ST8SIA2: variants seen among roughly 807,000 people sequenced by gnomAD.
The protein encoded by ST8SIA2 is ST8 alpha-N-acetyl-neuraminide alpha-2,8-sialyltransferase 2.
In ST8SIA2, 22 loss-of-function variants were observed where a neutral mutation model predicts 37.6. That is an observed-to-expected ratio of 0.58 (90% CI 0.42 to 0.83). The LOEUF is 0.83. Among genes scored for constraint, ST8SIA2 ranks in the 40% least tolerant of loss-of-function variants. The probability of loss-of-function intolerance (pLI) is 0.00; values close to 1 mark genes in which losing one functional copy is unlikely to be tolerated. For missense variants in ST8SIA2, 382 were observed against 484.7 expected, an observed-to-expected ratio of 0.79 and a Z score of 1.99; for synonymous variants, 205 against 201.2, an observed-to-expected ratio of 1.02 and a Z score of -0.16.
At chr15:92,419,897 C>G (rs894305658) in intron 1 of ST8SIA2, among the ~76,000 whole-genome samples, 2 of 152,156 alleles carry the variant, frequency 1.3e-5, no homozygotes, top group Non-Finnish European at 1.5e-5. Context: ...GATAGAGTCT[C>G]GCTCTGTCGC....
chr15:92,421,493 C>T (rs1260831348), intron 1 of ST8SIA2, among the ~76,000 whole-genome samples: 1 of 152,198 alleles, frequency 6.6e-6, no homozygotes, highest in Non-Finnish European at 1.5e-5. Context: ...AAATCAAACA[C>T]TGTTCTTACT....
intron 4 of ST8SIA2, among the ~76,000 whole-genome samples, chr15:92,443,555 C>T (rs1398631039): frequency 2.6e-5 from 4 of 152,152 alleles, no homozygotes; most frequent in Non-Finnish European, 5.9e-5. Context: ...TAAACCGTCC[C>T]TGTCACTCTC....
chr15:92,439,696 G>A (rs1334366480), intron 4 of ST8SIA2, among the ~76,000 whole-genome samples: 1 of 152,142 alleles, frequency 6.6e-6, no homozygotes, highest in African/African-American at 2.4e-5. Context: ...CCAGAGTTTT[G>A]TCATCCTCTG....
chr15:92,429,834 G>A (rs540942343), intron 1 of ST8SIA2, among the ~76,000 whole-genome samples: 1 of 152,218 alleles, frequency 6.6e-6, no homozygotes, highest in Non-Finnish European at 1.5e-5. Flanking sequence ...TATTCAAGTG[G>A]GGAGAGGGGC....
At chr15:92,446,815 T>A (rs951864339) in intron 5 of ST8SIA2, among the ~76,000 whole-genome samples, 1 of 152,060 alleles carries the variant, frequency 6.6e-6, no homozygotes, top group Non-Finnish European at 1.5e-5. Context: ...TGCAAAGGCC[T>A]TGAGGTAGGA....
intron 1 of ST8SIA2, among the ~76,000 whole-genome samples, chr15:92,398,281 A>G (rs2049446389): frequency 6.6e-6 from 1 of 152,278 alleles, no homozygotes; most frequent in Non-Finnish European, 1.5e-5. Context: ...CTAATCTGAG[A>G]TCACAGCCTG....
intron 1 of ST8SIA2, among the ~76,000 whole-genome samples, chr15:92,413,876 C>T (rs575410017): frequency 2.2e-4 from 33 of 152,260 alleles, no homozygotes; most frequent in African/African-American, 7.5e-4. Context: ...AGGCAGCCCC[C>T]GGTGTGATGC....
intron 1 of ST8SIA2, among the ~76,000 whole-genome samples, chr15:92,410,805 A>T (rs1034256273): frequency 6.6e-6 from 1 of 152,124 alleles, no homozygotes; most frequent in Admixed American, 6.5e-5. Flanking sequence ...AGCTCCAAAG[A>T]GGGGGTTCCC....
chr15:92,458,814 G>A (rs1294033060), intron 5 of ST8SIA2, among the ~76,000 whole-genome samples: 1 of 152,214 alleles, frequency 6.6e-6, no homozygotes, highest in Non-Finnish European at 1.5e-5. Flanking sequence ...CCATGAAACA[G>A]CATAGTAATG....
chr15:92,395,097 G>A (rs1434259214), intron 1 of ST8SIA2, among the ~76,000 whole-genome samples: 2 of 152,170 alleles, frequency 1.3e-5, no homozygotes, highest in Non-Finnish European at 2.9e-5. Flanking sequence ...GGCTCGCCGG[G>A]CCGGGCCCCT....
At chr15:92,420,177 T>C (rs2049622605) in intron 1 of ST8SIA2, among the ~76,000 whole-genome samples, 1 of 152,188 alleles carries the variant, frequency 6.6e-6, no homozygotes, top group Non-Finnish European at 1.5e-5. Flanking sequence ...AAGTCTGTAT[T>C]TTAAAGGCTG....
intron 5 of ST8SIA2, among the ~76,000 whole-genome samples, chr15:92,446,051 TG>T (rs1437148990): frequency 6.6e-6 from 1 of 152,192 alleles, no homozygotes; most frequent in Non-Finnish European, 1.5e-5. Context: ...CATAACTTAG[TG>T]GCTTAAAAAA....
chr15:92,434,518 C>A, intron 3 of ST8SIA2, 143 bp downstream of exon 3: 1 of 1,292,352 alleles, frequency 7.7e-7, no homozygotes, highest in Non-Finnish European at 1.1e-6. Context: ...TGTAAGTGAT[C>A]AATCGGAAAT....
At chr15:92,411,614 A>G (rs1418628546) in intron 1 of ST8SIA2, among the ~76,000 whole-genome samples, 1 of 152,158 alleles carries the variant, frequency 6.6e-6, no homozygotes, top group Non-Finnish European at 1.5e-5. Context: ...TTAAGCCACC[A>G]CTTACTGGAG....
At chr15:92,421,712 T>C (rs2141820938) in intron 1 of ST8SIA2, among the ~76,000 whole-genome samples, 1 of 152,312 alleles carries the variant, frequency 6.6e-6, no homozygotes, top group Non-Finnish European at 1.5e-5. Context: ...GTATGAAAAG[T>C]TCCCCAGTGC....
At chr15:92,462,042 A>G (rs1376509341) in intron 5 of ST8SIA2, among the ~76,000 whole-genome samples, 1 of 152,162 alleles carries the variant, frequency 6.6e-6, no homozygotes, top group South Asian at 2.1e-4. Flanking sequence ...AAATCAGAGA[A>G]AGTGCGAGGA....
chr15:92,401,359 C>T (rs2049469797), intron 1 of ST8SIA2, among the ~76,000 whole-genome samples: 1 of 152,214 alleles, frequency 6.6e-6, no homozygotes, highest in South Asian at 2.1e-4. Flanking sequence ...TCTTGGGTGG[C>T]ATCTGGGCTG....
At chr15:92,394,555 C>T (rs930882887) in intron 1 of ST8SIA2, among the ~76,000 whole-genome samples, 3 of 152,080 alleles carry the variant, frequency 2.0e-5, no homozygotes, top group Non-Finnish European at 2.9e-5. Flanking sequence ...TTGTCTCCAG[C>T]ACGGCCGCTT....
At chr15:92,463,292 T>C (rs1337129249) in intron 5 of ST8SIA2, among the ~76,000 whole-genome samples, 1 of 152,246 alleles carries the variant, frequency 6.6e-6, no homozygotes, top group Non-Finnish European at 1.5e-5. Flanking sequence ...AAGCGGGGAC[T>C]CTGTTTCAGA....
Sources: allele counts gnomAD v4.1 joint callset (sites outside exome capture counted in the v4.1 genomes callset), GRCh38; gene constraint gnomAD v4.1.1; transcripts MANE v1.5; gene names NCBI Gene and HGNC (gene_info 2026-07-23, HGNC 2026-07-21).